The following DPP6 variants were observed in gnomAD, a reference collection of about 807,000 sequenced individuals.
DPP6 encodes dipeptidyl peptidase like 6, also known as A-type potassium channel modulatory protein DPP6.
A neutral mutation model predicts 122.6 loss-of-function variants in DPP6; 69 were observed. That is an observed-to-expected ratio of 0.56 (90% CI 0.46 to 0.69). DPP6 has a LOEUF of 0.69. Ranked by LOEUF, DPP6 falls within the 30% of genes least tolerant of loss-of-function variation. The pLI, the probability that DPP6 is intolerant of heterozygous loss-of-function variation, is 0.00. For synonymous variants in DPP6, 418 were observed against 433.1 expected, an observed-to-expected ratio of 0.97 and a Z score of 0.43; for missense variants, 928 against 1,116.9, an observed-to-expected ratio of 0.83 and a Z score of 2.41.
chr7:153,875,515 CA>C, the DPP6 span, among the ~76,000 whole-genome samples: 1 of 151,944 alleles, frequency 6.6e-6, no homozygotes, highest in Non-Finnish European at 1.5e-5. Context: ...TAAATAATAG[CA>C]CAAAAGACAG....
chr7:154,435,267 G>C (rs1202653266), intron 1 of DPP6, among the ~76,000 whole-genome samples: 1 of 152,120 alleles, frequency 6.6e-6, no homozygotes, highest in African/African-American at 2.4e-5. Flanking sequence ...GGACGAGAGA[G>C]AAAGAAAGAG....
chr7:154,619,572 A>T (rs757565109), intron 5 of DPP6, among the ~76,000 whole-genome samples: 3 of 152,234 alleles, frequency 2.0e-5, no homozygotes, highest in Admixed American at 1.3e-4. Flanking sequence ...TGAGGGATCA[A>T]TAAGCTTATA....
the DPP6 span, among the ~76,000 whole-genome samples, chr7:153,748,923 T>C: frequency 6.6e-6 from 1 of 151,208 alleles, no homozygotes; most frequent in African/African-American, 2.4e-5. Flanking sequence ...AGGTAGAGAA[T>C]CTGGGCCCCT....
intron 16 of DPP6, among the ~76,000 whole-genome samples, chr7:154,834,887 C>G (rs994471043): frequency 3.3e-5 from 5 of 152,092 alleles, no homozygotes; most frequent in Admixed American, 1.3e-4. Flanking sequence ...GCACCCCTGC[C>G]CTGCAAAGGT....
chr7:154,596,819 C>T (rs1321439365), intron 5 of DPP6, among the ~76,000 whole-genome samples: 1 of 152,158 alleles, frequency 6.6e-6, no homozygotes, highest in Non-Finnish European at 1.5e-5. Flanking sequence ...TAGCGCCTTG[C>T]TCTATTTGAG....
At chr7:154,278,510 A>C (rs978912863) in intron 1 of DPP6, among the ~76,000 whole-genome samples, 3 of 152,240 alleles carry the variant, frequency 2.0e-5, no homozygotes, top group Admixed American at 6.5e-5. Context: ...CATATCTATC[A>C]TGAATTGAGC....
At chr7:154,665,110 A>C (rs148990835) in intron 6 of DPP6, among the ~76,000 whole-genome samples, 15 of 152,054 alleles carry the variant, frequency 9.9e-5, no homozygotes, top group African/African-American at 3.6e-4. Flanking sequence ...TTTGAGGAGG[A>C]CTGGTCAGTT....
At chr7:153,862,417 T>C in the DPP6 span, among the ~76,000 whole-genome samples, 115 of 152,308 alleles carry the variant, frequency 7.6e-4, 2 homozygotes, top group African/African-American at 2.6e-3. Context: ...TTTAGGGTTA[T>C]TTGCCTCTCA....
At chr7:154,045,512 G>A (rs1799977209) in intron 1 of DPP6, among the ~76,000 whole-genome samples, 1 of 152,244 alleles carries the variant, frequency 6.6e-6, no homozygotes, top group African/African-American at 2.4e-5. Flanking sequence ...CCACGAATCT[G>A]CATTTCCAAC....
chr7:154,245,598 T>G (rs1405699767), intron 1 of DPP6, among the ~76,000 whole-genome samples: 1 of 134,604 alleles, frequency 7.4e-6, no homozygotes, highest in African/African-American at 2.9e-5. Flanking sequence ...ATTGTGCCAC[T>G]GCACTCCAGG....
intron 20 of DPP6, among the ~76,000 whole-genome samples, chr7:154,879,059 A>C (rs1246350088): frequency 6.6e-6 from 1 of 152,218 alleles, no homozygotes; most frequent in Non-Finnish European, 1.5e-5. Flanking sequence ...TCCTGGGGAC[A>C]GCACCTGCTC....
intron 1 of DPP6, among the ~76,000 whole-genome samples, chr7:154,027,874 A>C (rs1224237981): frequency 6.6e-6 from 1 of 151,450 alleles, no homozygotes; most frequent in African/African-American, 2.4e-5. Flanking sequence ...GTCTGCACCT[A>C]TCATACTGAC....
chr7:153,917,454 G>A (rs1800375350), intron 1 of DPP6, among the ~76,000 whole-genome samples: 1 of 152,184 alleles, frequency 6.6e-6, no homozygotes. Context: ...GATTGGGTCT[G>A]GCCCATGCTG....
intron 8 of DPP6, among the ~76,000 whole-genome samples, chr7:154,735,275 C>G (rs1350568565): frequency 1.1e-4 from 17 of 150,222 alleles, no homozygotes; most frequent in Admixed American, 1.1e-3. Context: ...AGAGAGACAG[C>G]TGTTTTCCTT....
intron 8 of DPP6, among the ~76,000 whole-genome samples, chr7:154,748,779 C>T (rs965660149): frequency 1.3e-5 from 2 of 152,196 alleles, no homozygotes; most frequent in Admixed American, 6.5e-5. Context: ...TTGGAACGGA[C>T]GTGCCTATAA....
the DPP6 span, among the ~76,000 whole-genome samples, chr7:153,806,021 TATAA>T: frequency 6.6e-6 from 1 of 151,772 alleles, no homozygotes; most frequent in Non-Finnish European, 1.5e-5. Context: ...TACATATATA[TATAA>T]ATACTTTCCT....
chr7:154,089,809 G>A (rs983533052), intron 1 of DPP6, among the ~76,000 whole-genome samples: 3 of 151,668 alleles, frequency 2.0e-5, no homozygotes, highest in African/African-American at 7.3e-5. Context: ...TAGTTACAGA[G>A]CGAGACTTTA....
intron 5 of DPP6, among the ~76,000 whole-genome samples, chr7:154,630,291 C>T (rs908182956): frequency 1.5e-4 from 23 of 152,130 alleles, no homozygotes; most frequent in Non-Finnish European, 4.4e-5. Context: ...CACAGGCAGG[C>T]CAGACAGGGG....
intron 1 of DPP6, among the ~76,000 whole-genome samples, chr7:154,418,181 T>C (rs571786604): frequency 2.3e-4 from 35 of 152,334 alleles, no homozygotes; most frequent in Non-Finnish European, 3.8e-4. Flanking sequence ...CTGTGTCAAT[T>C]TCACTTTCTG....
Sources: allele counts gnomAD v4.1 joint callset (sites outside exome capture counted in the v4.1 genomes callset), GRCh38; gene constraint gnomAD v4.1.1; transcripts MANE v1.5; gene names NCBI Gene and HGNC (gene_info 2026-07-23, HGNC 2026-07-21).